The following AKAP13 variants were observed in gnomAD, a reference collection of about 807,000 sequenced individuals.
The protein encoded by AKAP13 is A-kinase anchoring protein 13.
In AKAP13, 80 loss-of-function variants were observed where a neutral mutation model predicts 264.5. That is an observed-to-expected ratio of 0.30 (90% confidence interval 0.25 to 0.36). AKAP13 has a LOEUF of 0.36. AKAP13 is among the 10% of genes least tolerant of loss of function. The pLI is 1.00. For synonymous variants in AKAP13, 1,380 were observed against 1,250.2 expected, an observed-to-expected ratio of 1.10 and a Z score of -2.19; for missense variants, 3,712 against 3,435.2, an observed-to-expected ratio of 1.08 and a Z score of -2.01.
intron 2 of AKAP13, among the ~76,000 whole-genome samples, chr15:85,487,132 C>A (rs11074276): frequency 0.51 from 77,591 of 152,022 alleles, 20,345 homozygotes; most frequent in Middle Eastern, 0.61. Context: ...AGATGAGTTA[C>A]AAACTATAAT....
chr15:85,681,918 C>G lies in AKAP13; in HGVS notation c.5102-240C>G, dbSNP rs542721964. Reference sequence around the variant, plus strand: ...AAGTTATTTGGAGTCTTTTTAGTTACTTGAATCCTGGATTAAACTTATTTT... The same window carrying G: ...AAGTTATTTGGAGTCTTTTTAGTTAGTTGAATCCTGGATTAAACTTATTTT... On this transcript the variant is annotated intron_variant, in intron 14 of 36. Transcript: ENST00000394518. 2.0e-5 allele frequency among the ~76,000 whole-genome samples: 3 copies of G among 152,216 alleles called. No individual in the cohort carries two copies. The South Asian group carries it at 6.2e-4, about 32-fold the overall frequency.
intron 5 of AKAP13, among the ~76,000 whole-genome samples, chr15:85,569,478 G>A (rs1245281882): frequency 7.2e-6 from 1 of 139,030 alleles, no homozygotes; most frequent in Non-Finnish European, 1.6e-5. Context: ...TTGAGACAGA[G>A]TTTCACTCTT....
chr15:85,598,776 A>G (rs1006830311), intron 8 of AKAP13, among the ~76,000 whole-genome samples: 1 of 152,144 alleles, frequency 6.6e-6, no homozygotes, highest in African/African-American at 2.4e-5. Context: ...GTTTAGGCCT[A>G]TCTACACCAC....
intron 1 of AKAP13, among the ~76,000 whole-genome samples, chr15:85,427,809 A>C (rs190507714): frequency 6.6e-6 from 1 of 152,234 alleles, no homozygotes; most frequent in Non-Finnish European, 1.5e-5. Flanking sequence ...GTCATAAGTG[A>C]CATGGCTGTC....
chr15:85,596,633 G>A (rs1249611545), intron 8 of AKAP13, among the ~76,000 whole-genome samples: 3 of 152,068 alleles, frequency 2.0e-5, no homozygotes, highest in Non-Finnish European at 4.4e-5. Flanking sequence ...TTGGGGTTAT[G>A]GAGGTATAAA....
At chr15:85,464,855 A>G (rs1030007878) in intron 1 of AKAP13, among the ~76,000 whole-genome samples, 1 of 152,186 alleles carries the variant, frequency 6.6e-6, no homozygotes, top group Admixed American at 6.5e-5. Context: ...ATTTCTAAGG[A>G]TAGGTTAATG....
At chr15:85,661,805 G>A (rs2083360067) in intron 12 of AKAP13, among the ~76,000 whole-genome samples, 1 of 151,776 alleles carries the variant, frequency 6.6e-6, no homozygotes. Context: ...ACAGCCTAGT[G>A]AGTAGGGTTT....
intron 1 of AKAP13, chr15:85,415,557 T>C (rs1348746814): frequency 9.0e-6 from 13 of 1,447,104 alleles, no homozygotes; most frequent in Non-Finnish European, 1.2e-5. Context: ...AAGAAGAAAA[T>C]TGAAAGATGG....
rs1199842078 is a variant in AKAP13 at position 85,442,419 on chromosome 15, A to ATAT, written c.-11-43291_-11-43290insTAT. ...AGCAAGATTCTGTCTCAAAAAAAAA[A>ATAT]AAAAATATATATATATATAATATAA... On this transcript the variant is annotated intron_variant, in intron 1 of 36. Coordinates refer to ENST00000394518, the MANE Select transcript of AKAP13 (RefSeq NM_007200.5). Among the ~76,000 whole-genome samples, 418 of 93,150 alleles carry ATAT rather than the reference A, an allele frequency of 4.5e-3. 7 individuals are homozygous for ATAT. The highest frequency in any genetic ancestry group is 8.0e-3 in the Non-Finnish European group (321 of 40,032). The allele number at this position is 93,150 out of a possible 152,430, so 61.1% of individuals were successfully genotyped here. A position where few individuals can be genotyped will look rare whatever the true frequency, so the allele number is the denominator to read the frequency against.
chr15:85,647,493 T>A (rs1001910434), intron 10 of AKAP13, among the ~76,000 whole-genome samples: 9 of 150,858 alleles, frequency 6.0e-5, no homozygotes. Flanking sequence ...ATGTACCCTG[T>A]GTGCCTTCCT....
intron 5 of AKAP13, among the ~76,000 whole-genome samples, chr15:85,550,853 G>A (rs138466236): frequency 2.6e-5 from 4 of 152,280 alleles, no homozygotes; most frequent in East Asian, 1.9e-4. Flanking sequence ...TAAAGATAAG[G>A]TTGTAGAACT....
At chr15:85,446,101 A>G (rs1317380442) in intron 1 of AKAP13, among the ~76,000 whole-genome samples, 1 of 152,208 alleles carries the variant, frequency 6.6e-6, no homozygotes, top group Non-Finnish European at 1.5e-5. Context: ...ATAAAGGTAT[A>G]GATAGTGATT....
chr15:85,551,020 G>T (rs910475102), intron 5 of AKAP13, among the ~76,000 whole-genome samples: 1 of 152,176 alleles, frequency 6.6e-6, no homozygotes, highest in Non-Finnish European at 1.5e-5. Context: ...GTCCAAGGCC[G>T]TATAGTTAGT....
At chr15:85,717,952 G>A (rs1597161415) in intron 21 of AKAP13, 55 bp from the exon 22 acceptor site, 1 of 1,569,136 alleles carries the variant, frequency 6.4e-7, no homozygotes, top group East Asian at 2.3e-5. Context: ...TCCAACATAG[G>A]CTTATTTTAC....
chr15:85,593,137 C>A (rs2079653901), intron 8 of AKAP13, among the ~76,000 whole-genome samples: 1 of 152,036 alleles, frequency 6.6e-6, no homozygotes, highest in Non-Finnish European at 1.5e-5. Flanking sequence ...TGGCAAAACC[C>A]CATCTCTACT....
At chr15:85,591,942 A>T (rs769175661) in intron 8 of AKAP13, among the ~76,000 whole-genome samples, 3 of 152,204 alleles carry the variant, frequency 2.0e-5, no homozygotes, top group Non-Finnish European at 2.9e-5. Flanking sequence ...GTTCAAGGAC[A>T]ACTGTAAAAT....
chr15:85,503,846 A>G (rs1386484292), intron 2 of AKAP13, among the ~76,000 whole-genome samples: 1 of 152,168 alleles, frequency 6.6e-6, no homozygotes, highest in Admixed American at 6.5e-5. Context: ...TGAGCCTTGA[A>G]CATGTGTTCA....
chr15:85,723,482 A>G (rs908352966), intron 26 of AKAP13, among the ~76,000 whole-genome samples, 162 bp downstream of exon 26: 2 of 152,202 alleles, frequency 1.3e-5, no homozygotes, highest in Non-Finnish European at 2.9e-5. Context: ...TCTTATATCA[A>G]AAATGGTTTG....
At chr15:85,662,292 C>T (rs170931) in intron 12 of AKAP13, 11 of 1,262,728 alleles carry the variant, frequency 8.7e-6, no homozygotes, top group Admixed American at 5.1e-5. Flanking sequence ...ATCCGTCTGT[C>T]TCTAACTATG....
Sources: allele counts gnomAD v4.1 joint callset (sites outside exome capture counted in the v4.1 genomes callset), GRCh38; gene constraint gnomAD v4.1.1; transcripts MANE v1.5; gene names NCBI Gene and HGNC (gene_info 2026-07-23, HGNC 2026-07-21).